The following FOXO1 variants were observed in gnomAD, a reference collection of about 807,000 sequenced individuals.
The protein encoded by FOXO1 is forkhead box O1.
FOXO1 carries 6 observed loss-of-function variants against 44.1 expected under a neutral mutation model. The observed-to-expected ratio is 0.14, with a 90% CI of 0.07 to 0.27. The LOEUF is 0.27. Among genes scored for constraint, FOXO1 ranks in the 10% least tolerant of loss-of-function variants. The probability of loss-of-function intolerance (pLI) is 1.00; values close to 1 mark genes in which losing one functional copy is unlikely to be tolerated. For synonymous variants in FOXO1, 380 were observed against 362.7 expected, an observed-to-expected ratio of 1.05 and a Z score of -0.54; for missense variants, 737 against 888.8, an observed-to-expected ratio of 0.83 and a Z score of 2.17.
At chr13:40,633,836 A>C (rs1260490314) in intron 1 of FOXO1, among the ~76,000 whole-genome samples, 1 of 152,216 alleles carries the variant, frequency 6.6e-6, no homozygotes, top group Non-Finnish European at 1.5e-5. Context: ...AGTCACAGTA[A>C]CTTTATAAAT....
At chr13:40,620,197 GTAC>G in intron 1 of FOXO1, 2 of 1,570,218 alleles carry the variant, frequency 1.3e-6, no homozygotes, top group Non-Finnish European at 1.8e-6. Flanking sequence ...CTCAACTGCT[GTAC>G]TACGACATCC....
intron 1 of FOXO1, among the ~76,000 whole-genome samples, chr13:40,653,193 T>C (rs1033184048): frequency 6.6e-6 from 1 of 152,032 alleles, no homozygotes; most frequent in African/African-American, 2.4e-5. Context: ...TGTCTCGAAC[T>C]CCTAACCTCA....
At chr13:40,571,167 C>T (rs1429474353) in intron 1 of FOXO1, among the ~76,000 whole-genome samples, 1 of 149,738 alleles carries the variant, frequency 6.7e-6, no homozygotes, top group Non-Finnish European at 1.5e-5. Context: ...TTCTAAATGC[C>T]TTGTTTGAAG....
At chr13:40,619,131 TA>T in intron 1 of FOXO1, 1 of 357,798 alleles carries the variant, frequency 2.8e-6, no homozygotes, top group Non-Finnish European at 5.4e-6. Flanking sequence ...TAAACAGATA[TA>T]AAAAATTAGC....
chr13:40,583,322 A>C (rs1273409096), intron 1 of FOXO1, among the ~76,000 whole-genome samples: 6 of 152,232 alleles, frequency 3.9e-5, no homozygotes. Flanking sequence ...TGAATGGTCC[A>C]TGAGCATTGG....
chr13:40,616,157 G>A (rs1004068107), intron 1 of FOXO1, among the ~76,000 whole-genome samples: 4 of 152,094 alleles, frequency 2.6e-5, no homozygotes, highest in Admixed American at 6.5e-5. Context: ...AAGGAAAAAC[G>A]CCTTCTTCCT....
chr13:40,665,684 C>G lies in FOXO1; in HGVS notation c.529G>C (p.Ala177Pro). ...TGCGACAGCGTGAGCCGCTTCTCCG[C>G]CGAGCTCTCGATGGCCTTGGTGATG... ...DLITKAIESS[A>P]EKRLTLSQIY... is the part of the protein sequence containing the mutation. The change falls in exon 1 of 3, where the codon GCG (alanine) becomes CCG (proline). Residue 177 changes from alanine (A) to proline (P), a missense_variant. By Grantham distance (27) the Ala-to-Pro change is conservative. Coordinates refer to ENST00000379561, the MANE Select transcript of FOXO1 (RefSeq NM_002015.4). 1 of 1,544,492 alleles carries G rather than the reference C, an allele frequency of 6.5e-7. No homozygotes were observed. Among genetic ancestry groups the G allele is most frequent in the African/African-American group, 1.4e-5 (1 of 70,938 alleles).
intron 1 of FOXO1, among the ~76,000 whole-genome samples, chr13:40,661,076 C>T (rs9549255): frequency 0.41 from 62,925 of 152,022 alleles, 14,293 homozygotes; most frequent in East Asian, 0.75. Context: ...AAAAGTAAAG[C>T]TCTTGGGAGT....
chr13:40,569,865 C>A (rs1874413071), intron 1 of FOXO1, among the ~76,000 whole-genome samples: 1 of 152,128 alleles, frequency 6.6e-6, no homozygotes, highest in African/African-American at 2.4e-5. Context: ...CCCACCTCAG[C>A]CTCCCAAAGT....
At position 40,591,158 on chromosome 13, in the gene FOXO1, A is replaced by G. The variant is rs368127097; in HGVS notation, c.631-30298T>C. On this transcript the variant is annotated intron_variant, in intron 1 of 2. Transcript: ENST00000379561. ...TGATCTGCAAATCAGCTCAGAAATA[A>G]AAGAGACTCTTCCTGCCAAAAAAAA... Among the ~76,000 whole-genome samples, 85 of 152,252 alleles carry G rather than the reference A, an allele frequency of 5.6e-4. No individual in the cohort carries two copies. In the South Asian group the frequency reaches 0.017, roughly 31 times the overall value.
intron 1 of FOXO1, among the ~76,000 whole-genome samples, chr13:40,620,798 G>GATTTTTTTTT (rs762814974): frequency 2.8e-5 from 3 of 105,512 alleles, no homozygotes; most frequent in Admixed American, 9.3e-5. Flanking sequence ...TCTTCCCCTT[G>GATTTTTTTTT]CTTTTTTTTT....
chr13:40,610,937 G>C, intron 1 of FOXO1: 3 of 361,958 alleles, frequency 8.3e-6, no homozygotes, highest in Non-Finnish European at 1.7e-5. Flanking sequence ...TCTTCTACCA[G>C]TATTCATTAA....
intron 1 of FOXO1, among the ~76,000 whole-genome samples, chr13:40,593,072 G>A (rs1021845414): frequency 3.3e-5 from 5 of 152,044 alleles, no homozygotes; most frequent in African/African-American, 1.2e-4. Context: ...CACCCACATT[G>A]GAGTGCAGTG....
At chr13:40,665,525 G>A in intron 1 of FOXO1, 58 bp downstream of exon 1, 1 of 1,303,006 alleles carries the variant, frequency 7.7e-7, no homozygotes, top group Non-Finnish European at 9.9e-7. Context: ...CTGCACAGCT[G>A]CGCCCTCGCC....
rs1431672560 is a variant in FOXO1, at chr13:40,666,399, G to A, written c.-187C>T. Reference sequence around the variant, plus strand: ...AAGCGCGAGCCCAGAACTTAACTTCGCGGGGCCATCCACATCGAGGCTCCT... The same window carrying A: ...AAGCGCGAGCCCAGAACTTAACTTCACGGGGCCATCCACATCGAGGCTCCT... On this transcript the variant is annotated 5_prime_UTR_variant, in exon 1 of 3. The change creates a premature stop within an existing upstream ORF in the 5' untranslated region. Transcript: ENST00000379561. 1.1e-5 allele frequency: 5 copies of A among 457,916 alleles called. No homozygotes were observed. The highest frequency in any genetic ancestry group is 1.5e-5 in the Non-Finnish European group (4 of 264,148). 28.4% of individuals were successfully genotyped at this position (457,916 alleles called of 1,614,324 possible).
intron 1 of FOXO1, among the ~76,000 whole-genome samples, chr13:40,605,931 A>G (rs1228374596): frequency 6.6e-6 from 1 of 152,226 alleles, no homozygotes; most frequent in Non-Finnish European, 1.5e-5. Flanking sequence ...CTAATAATCT[A>G]GAAAACGTAC....
intron 1 of FOXO1, 82 bp downstream of exon 1, chr13:40,665,501 C>T: frequency 1.7e-6 from 2 of 1,191,510 alleles, no homozygotes; most frequent in Non-Finnish European, 1.1e-6. Flanking sequence ...TCCGCACCTT[C>T]AGGCCGAGCA....
chr13:40,643,095 A>G (rs1361132325), intron 1 of FOXO1, among the ~76,000 whole-genome samples: 1 of 152,222 alleles, frequency 6.6e-6, no homozygotes, highest in East Asian at 1.9e-4. Context: ...TAATCCTAGC[A>G]CTTTGGGAGG....
chr13:40,621,405 T>C (rs1247944268), intron 1 of FOXO1: 9 of 294,574 alleles, frequency 3.1e-5, no homozygotes, highest in African/African-American at 2.3e-5. Context: ...TGTTCAAGCA[T>C]TGTTTTGCTG....
Sources: allele counts gnomAD v4.1 joint callset (sites outside exome capture counted in the v4.1 genomes callset), GRCh38; gene constraint gnomAD v4.1.1; transcripts MANE v1.5; gene names NCBI Gene and HGNC (gene_info 2026-07-23, HGNC 2026-07-21).